KMT2A: variants seen among roughly 807,000 people sequenced by gnomAD.
The protein encoded by KMT2A is histone-lysine N-methyltransferase 2A.
In KMT2A, 16 loss-of-function variants were observed where a neutral mutation model predicts 345.3. The observed-to-expected ratio is 0.05, with a 90% CI of 0.03 to 0.07. The LOEUF (loss-of-function observed/expected upper bound fraction) is 0.07, where lower values mean the gene tolerates loss of function less well. Ranked by LOEUF, KMT2A falls within the 10% of genes least tolerant of loss-of-function variation. KMT2A has a pLI of 1.00. For synonymous variants in KMT2A, 1,599 were observed against 1,778.6 expected, an observed-to-expected ratio of 0.90 and a Z score of 2.54; for missense variants, 3,272 against 4,841.6, an observed-to-expected ratio of 0.68 and a Z score of 9.62.
At position 118,504,890 on chromosome 11, in the gene KMT2A, G is replaced by C. The variant is rs1438502727; in HGVS notation, c.8998G>C (p.Gly3000Arg). 6.2e-7 allele frequency: 1 copy of C among 1,614,110 alleles called. No homozygotes were observed. The highest frequency in any genetic ancestry group is 1.3e-5 in the African/African-American group (1 of 75,002). The change falls in exon 27 of 36, where the codon GGA (glycine) becomes CGA (arginine). Residue 3000 changes from glycine (G) to arginine (R), a missense_variant. Physicochemically the swap from Gly to Arg is moderately radical, Grantham distance 125. This residue lies in a region of KMT2A where 748 missense variants were observed against 922.2 expected (regional missense o/e 0.81). Coordinates refer to ENST00000534358, the MANE Select transcript of KMT2A (RefSeq NM_001197104.2). The surrounding 1 kb of genome is among the most constrained non-coding windows in gnomAD (Gnocchi z 6.4). ...CATGACTCCTGATCATTTTATCCAA[G>C]GACACATGGATGCAGACCACATCTC... ...GHMTPDHFIQGHMDADHISSP... is the reference protein window; with the variant it reads ...GHMTPDHFIQRHMDADHISSP...
At position 118,499,350 on chromosome 11, in the gene KMT2A, C is replaced by T. The variant is rs77421119; in HGVS notation, c.6009C>T (p.Asp2003=). The T allele has an allele frequency of 1.0e-3, 1,640 of 1,613,990 alleles. 1 individual carries two copies. Among genetic ancestry groups the T allele is most frequent in the Middle Eastern group, 3.3e-3 (20 of 6,062 alleles). ...AAGTTTTCAGAAGAGTGTTTGTGGA[C>T]TTTGAAGGAATCAGCTTGAGAAGGA... ...GFEVFRRVFV[D]FEGISLRRKF... is the part of the protein sequence containing the mutation. Residue 2003 remains aspartate (D), a synonymous_variant, in exon 23 of 36, where the codon GAC becomes GAT. Coordinates refer to ENST00000534358, the MANE Select transcript of KMT2A (RefSeq NM_001197104.2).
At position 118,510,023 on chromosome 11, in the gene KMT2A, G is replaced by C; in HGVS notation, c.10976G>C (p.Arg3659Pro). 6.2e-7 allele frequency: 1 copy of C among 1,613,754 alleles called. No individual in the cohort carries two copies. Among genetic ancestry groups the C allele is most frequent in the Non-Finnish European group, 8.5e-7 (1 of 1,179,786 alleles). ...LMLWLQQEQK[R>P]KESITEKKPK... ...CTTTGGCTTCAGCAAGAACAAAAGC[G>C]GAAGGAAAGCATTACTGAGAAAAAA... is the stretch of plus-strand genomic sequence containing the variant. The change falls in exon 30 of 36, where the codon CGG becomes CCG. Residue 3659 changes from arginine to proline, a missense_variant. By Grantham distance (103) the Arg-to-Pro change is moderately radical. Transcript: ENST00000534358. This position sits in a 1 kb window ranked among gnomAD's most constrained non-coding sequence, Gnocchi z 4.1.
Position 118,484,344 on chromosome 11 carries a change from T to G in KMT2A, c.4218+30T>G, listed in dbSNP as rs782371090. Reference sequence around the variant, plus strand: ...AGGTGTTCAGTGATCATAAAGTATATTGAGTGTCAAAGACTTTAAATAAAG... The same window carrying G: ...AGGTGTTCAGTGATCATAAAGTATAGTGAGTGTCAAAGACTTTAAATAAAG... On this transcript the variant is annotated intron_variant, in intron 9 of 35. Transcript: ENST00000534358. The surrounding 1 kb of genome is among the most constrained non-coding windows in gnomAD (Gnocchi z 4.1). The G allele has an allele frequency of 5.0e-6, 8 of 1,609,178 alleles. No homozygotes were observed. The highest frequency in any genetic ancestry group is 6.8e-6 in the Non-Finnish European group (8 of 1,177,540).
intron 1 of KMT2A, 126 bp downstream of exon 1, chr11:118,437,070 A>G: frequency 1.7e-6 from 2 of 1,157,104 alleles, no homozygotes; most frequent in Non-Finnish European, 2.3e-6. Flanking sequence ...CCCGGGGCGA[A>G]TGGCTCTCCC....
Position 118,436,636 on chromosome 11 carries a change from C to A in KMT2A, c.124C>A (p.Pro42Thr). The change falls in exon 1 of 36, where the codon CCC becomes ACC. Residue 42 changes from proline to threonine, a missense_variant. Transcript: ENST00000534358. The surrounding 1 kb of genome is among the most constrained non-coding windows in gnomAD (Gnocchi z 6.9). The stretch of plus-strand genomic sequence containing the variant: ...ACGCGTCCCGGCCCTGCTGCTTCCC[C>A]CCGGGCCCCCGGTCGGCGGTGGCGG... ...RQRVPALLLP[P>T]GPPVGGGGPG... 1 of 1,155,288 alleles carries A rather than the reference C, an allele frequency of 8.7e-7. No individual in the cohort carries two copies. The highest frequency in any genetic ancestry group is 1.1e-6 in the Non-Finnish European group (1 of 936,462). The allele number at this position is 1,155,288 out of a possible 1,614,324, so 71.6% of individuals were successfully genotyped here. A position where few individuals can be genotyped will look rare whatever the true frequency, so the allele number is the denominator to read the frequency against.
In KMT2A at chr11:118,523,555, A is replaced by G. The variant is rs1288526958; in HGVS notation, c.*1383A>G. The G allele has an allele frequency of 8.9e-6, 2 of 225,218 alleles. No individual in the cohort carries two copies. The highest frequency in any genetic ancestry group is 1.8e-5 in the Non-Finnish European group (2 of 112,880). The allele number at this position is 225,218 out of a possible 1,614,324, so 14.0% of individuals were successfully genotyped here. A position where few individuals can be genotyped will look rare whatever the true frequency, so the allele number is the denominator to read the frequency against. Reference sequence around the variant, plus strand: ...CTGTTCTGTTTACAGTTTACTATTTAAGGTTTTATAAATGTAAATATATTT... The same window carrying G: ...CTGTTCTGTTTACAGTTTACTATTTGAGGTTTTATAAATGTAAATATATTT... On this transcript the variant is annotated 3_prime_UTR_variant, in exon 36 of 36. Transcript: ENST00000534358.
chr11:118,517,676 C>T (rs1427886019), intron 31 of KMT2A, among the ~76,000 whole-genome samples: 1 of 151,852 alleles, frequency 6.6e-6, no homozygotes, highest in African/African-American at 2.4e-5. Context: ...CCTGTCTCCA[C>T]AAGAAATTTA....
chr11:118,484,667 T>G lies in KMT2A; in HGVS notation c.4219-195T>G, dbSNP rs542250159. Reference sequence around the variant, plus strand: ...TTTTCGCAATATATTCAATATGAATTGAACAACTAGGTGAGCCTTTTAATA... The same window carrying G: ...TTTTCGCAATATATTCAATATGAATGGAACAACTAGGTGAGCCTTTTAATA... On this transcript the variant is annotated intron_variant, in intron 9 of 35. Coordinates refer to ENST00000534358, the MANE Select transcript of KMT2A (RefSeq NM_001197104.2). This position sits in a 1 kb window ranked among gnomAD's most constrained non-coding sequence, Gnocchi z 4.1. Among the ~76,000 whole-genome samples, 4 of 152,358 alleles carry G rather than the reference T, an allele frequency of 2.6e-5. No homozygotes were observed. In the East Asian group the frequency reaches 7.7e-4, roughly 29 times the overall value.
Position 118,494,866 on chromosome 11 carries a change from A to C in KMT2A, c.5363+99A>C. The C allele has an allele frequency of 1.1e-6, 1 of 909,714 alleles. No homozygotes were observed. The highest frequency in any genetic ancestry group is 1.8e-6 in the Non-Finnish European group (1 of 571,168). 56.4% of individuals were successfully genotyped at this position (909,714 alleles called of 1,614,324 possible). A position where few individuals can be genotyped will look rare whatever the true frequency, so the allele number is the denominator to read the frequency against. On this transcript the variant is annotated intron_variant, in intron 18 of 35. Transcript: ENST00000534358. The surrounding 1 kb of genome is among the most constrained non-coding windows in gnomAD (Gnocchi z 5.8). ...CAGTTTTCCAAAAGGTTTTAATACT[A>C]GAAATGAATTGGTTGAAATGCCTTT... is the stretch of plus-strand genomic sequence containing the variant.
In KMT2A at chr11:118,500,880, G is replaced by C. The variant is rs373111056; in HGVS notation, c.6159-107G>C. On this transcript the variant is annotated intron_variant, in intron 24 of 35. Coordinates refer to ENST00000534358, the MANE Select transcript of KMT2A (RefSeq NM_001197104.2). ...AACCCATAAAATAAAGCTAAACTCT[G>C]TAATTAAGAGGGCCAGGGAACCTAG... 4 of 772,560 alleles carry C rather than the reference G, an allele frequency of 5.2e-6. No homozygotes were observed. The South Asian group carries it at 8.9e-5, about 17-fold the overall frequency. 47.9% of individuals were successfully genotyped at this position (772,560 alleles called of 1,614,324 possible). A position where few individuals can be genotyped will look rare whatever the true frequency, so the allele number is the denominator to read the frequency against.
rs187368344 is a variant in KMT2A at position 118,474,501 on chromosome 11, A to G, written c.3156+186A>G. Among the ~76,000 whole-genome samples the G allele has an allele frequency of 1.5e-4, 23 of 152,334 alleles. No individual in the cohort carries two copies. The East Asian group carries it at 4.2e-3, about 28-fold the overall frequency. Reference sequence around the variant, plus strand: ...TTTGATAGGTAGAAAGTGGCAGGACATAACATTCTAAGTAGAGGGAACAGT... The same window carrying G: ...TTTGATAGGTAGAAAGTGGCAGGACGTAACATTCTAAGTAGAGGGAACAGT... On this transcript the variant is annotated intron_variant, in intron 3 of 35. Coordinates refer to ENST00000534358, the MANE Select transcript of KMT2A (RefSeq NM_001197104.2).
chr11:118,501,703 T>C lies in KMT2A; in HGVS notation c.6351T>C (p.Ala2117=). ...CATCAAAAGAGAGTCAAAACACAGC[T>C]GAAATTATAAGTCCTCCATCACCAG... ...ESSSKESQNT[A]EIISPPSPDR... Residue 2117 remains alanine (A), a synonymous_variant, in exon 26 of 36, where the codon GCT becomes GCC. Transcript: ENST00000534358. 6.2e-7 allele frequency: 1 copy of C among 1,613,788 alleles called. No homozygotes were observed. The highest frequency in any genetic ancestry group is 8.5e-7 in the Non-Finnish European group (1 of 1,179,890).
intron 15 of KMT2A, 65 bp from the exon 16 acceptor site, chr11:118,492,992 T>G (rs1950349117): frequency 1.6e-6 from 2 of 1,270,804 alleles, no homozygotes; most frequent in East Asian, 4.7e-5. Flanking sequence ...TTAATTTTAA[T>G]AGAATTTACA....
At position 118,494,671 on chromosome 11, in the gene KMT2A, AT is replaced by A; in HGVS notation, c.5290-19del. The A allele has an allele frequency of 6.2e-7, 1 of 1,606,552 alleles. No individual in the cohort carries two copies. Among genetic ancestry groups the A allele is most frequent in the Admixed American group, 1.7e-5 (1 of 59,824 alleles). The stretch of plus-strand genomic sequence containing the variant: ...TCTAAATGAGTGTTTACATATTTAC[AT>A]TTTGTTTGTGTTTTCTTTTAGCAAA... On this transcript the variant is annotated intron_variant, in intron 17 of 35. Transcript: ENST00000534358. This position sits in a 1 kb window ranked among gnomAD's most constrained non-coding sequence, Gnocchi z 5.8.
In KMT2A at chr11:118,504,311, T is replaced by C. The variant is rs1950547488; in HGVS notation, c.8419T>C (p.Leu2807=). The change falls in exon 27 of 36, where the codon TTG becomes CTG. Residue 2807 remains leucine (L), a synonymous_variant. Transcript: ENST00000534358. The surrounding 1 kb of genome is among the most constrained non-coding windows in gnomAD (Gnocchi z 6.4). ...QDSLEAQLSS[L]ESSRRVHTST... The stretch of plus-strand genomic sequence containing the variant: ...TTCCTTGGAAGCTCAGCTCAGCTCA[T>C]TGGAGTCAAGCCGCAGAGTCCACAC... 6.2e-7 allele frequency: 1 copy of C among 1,614,130 alleles called. No individual in the cohort carries two copies. Among genetic ancestry groups the C allele is most frequent in the South Asian group, 1.1e-5 (1 of 91,084 alleles).
intron 4 of KMT2A, 26 bp from the exon 5 acceptor site, chr11:118,477,941 G>T: frequency 6.3e-7 from 1 of 1,589,746 alleles, no homozygotes; most frequent in Non-Finnish European, 8.6e-7. Context: ...TACTCCCTTG[G>T]AACTAATGCC....
rs781870146 is a variant in KMT2A at position 118,471,933 on chromosome 11, G to A, written c.774G>A (p.Arg258=). 1.2e-5 allele frequency: 19 copies of A among 1,613,842 alleles called. No homozygotes were observed. The African/African-American group carries it at 2.0e-4, about 17-fold the overall frequency. ...NKEDSLKKIK[R]TPSATFQQAT... ...AAGATAGCCTGAAAAAAATTAAAAG[G>A]ACACCTTCTGCTACGTTTCAGCAAG... The change falls in exon 3 of 36, where the codon AGG becomes AGA. Residue 258 remains arginine (R), a synonymous_variant. Transcript: ENST00000534358.
chr11:118,508,869 T>C (rs947288447), intron 28 of KMT2A, among the ~76,000 whole-genome samples: 2 of 152,150 alleles, frequency 1.3e-5, no homozygotes, highest in Non-Finnish European at 2.9e-5. Context: ...ATACTGAGTA[T>C]GAGAAGAATT....
intron 3 of KMT2A, among the ~76,000 whole-genome samples, chr11:118,475,334 T>C (rs1216495616): frequency 6.6e-6 from 1 of 152,184 alleles, no homozygotes; most frequent in Non-Finnish European, 1.5e-5. Context: ...GAAAAGTTGC[T>C]GATCTTTAGG....
Sources: gnomAD v4.1 joint callset for allele counts (sites outside exome capture counted in the v4.1 genomes callset) on GRCh38, gnomAD v4.1.1 for gene constraint, gnomAD v4.1.1 regional missense constraint, Gnocchi (gnomAD v3.1) non-coding constraint, MANE v1.5 for transcripts, NCBI Gene and HGNC (gene_info 2026-07-23, HGNC 2026-07-21) for gene names.